The following ATP10B variants were observed in gnomAD, a reference collection of about 807,000 sequenced individuals.
ATP10B encodes phospholipid-transporting ATPase VB.
A neutral mutation model predicts 141.2 loss-of-function variants in ATP10B; 122 were observed. The ratio of observed to expected loss-of-function variants is 0.86; its 90% confidence interval spans 0.75 to 1.00. ATP10B has a LOEUF of 1.00. ATP10B is among the 50% of genes least tolerant of loss of function. The pLI is 0.00. For missense variants in ATP10B, 1,876 were observed against 1,825.3 expected, an observed-to-expected ratio of 1.03 and a Z score of -0.51; for synonymous variants, 685 against 692.0, an observed-to-expected ratio of 0.99 and a Z score of 0.16.
chr5:160,688,642 G>T (rs965847939), intron 4 of ATP10B, 118 bp downstream of exon 4: 12 of 474,528 alleles, frequency 2.5e-5, no homozygotes, highest in Non-Finnish European at 3.3e-5. Context: ...GGAACAAATT[G>T]GATAGTACAG....
chr5:160,775,062 GT>G (rs940278623), intron 2 of ATP10B, among the ~76,000 whole-genome samples: 1 of 152,202 alleles, frequency 6.6e-6, no homozygotes, highest in African/African-American at 2.4e-5. Context: ...CAGAACTGAA[GT>G]TTGTTTGACT....
intron 2 of ATP10B, among the ~76,000 whole-genome samples, chr5:160,727,302 G>A (rs988357752): frequency 3.5e-4 from 54 of 152,218 alleles, no homozygotes; most frequent in Non-Finnish European, 3.7e-4. Flanking sequence ...AGAAAACTGA[G>A]GCTTACAGGC....
In ATP10B at chr5:160,565,875, T is replaced by C; in HGVS notation, c.3964A>G (p.Thr1322Ala). ...PRYFFLSLQGTCGKSLISKAQ... is the reference protein window; with the variant it reads ...PRYFFLSLQGACGKSLISKAQ... ...TTTGAGATTAGAGACTTCCCACAAG[T>C]TCCTTGCAGAGACAGGAAAAAGTAT... The change falls in exon 26 of 26, where the codon ACT (threonine) becomes GCT (alanine). Residue 1322 changes from threonine (T) to alanine (A), a missense_variant. Physicochemically the swap from Thr to Ala is moderately conservative, Grantham distance 58 (BLOSUM62 0). Transcript: ENST00000327245. 5 of 1,611,774 alleles carry C rather than the reference T, an allele frequency of 3.1e-6. No homozygotes were observed. The highest frequency in any genetic ancestry group is 4.2e-6 in the Non-Finnish European group (5 of 1,179,382).
chr5:160,632,110 G>A lies in ATP10B; in HGVS notation c.1620+19C>T, dbSNP rs1266364579. ...TCCCACAGAACACTTACAGTTCAAA[G>A]GCAAAAGTCAGGACTTACTATGGAG... On this transcript the variant is annotated intron_variant, in intron 13 of 25. Coordinates refer to ENST00000327245, the MANE Select transcript of ATP10B (RefSeq NM_025153.3). 2.5e-6 allele frequency: 4 copies of A among 1,597,142 alleles called. No homozygotes were observed. Among genetic ancestry groups the A allele is most frequent in the Non-Finnish European group, 3.4e-6 (4 of 1,168,590 alleles).
chr5:160,835,195 C>CA (rs1016564229), intron 1 of ATP10B, among the ~76,000 whole-genome samples: 1 of 151,680 alleles, frequency 6.6e-6, no homozygotes, highest in Admixed American at 6.6e-5. Context: ...TAAGATGTGA[C>CA]AAAAAAATAA....
intron 2 of ATP10B, among the ~76,000 whole-genome samples, chr5:160,718,634 C>T (rs2127779408): frequency 6.6e-6 from 1 of 151,578 alleles, no homozygotes; most frequent in East Asian, 1.9e-4. Flanking sequence ...GAGACAAAAC[C>T]CCAGGGGTGT....
intron 1 of ATP10B, among the ~76,000 whole-genome samples, chr5:160,789,420 C>A (rs1187616262): frequency 2.6e-5 from 4 of 152,194 alleles, no homozygotes; most frequent in Non-Finnish European, 4.4e-5. Flanking sequence ...GACTACAAAC[C>A]TGTACAGCAT....
the ATP10B span, among the ~76,000 whole-genome samples, chr5:160,906,873 T>C: frequency 2.0e-5 from 3 of 152,186 alleles, no homozygotes; most frequent in African/African-American, 7.2e-5. Context: ...AAGGCATCGT[T>C]GAGTCAATGT....
chr5:160,738,688 AAAC>A (rs879453278), intron 2 of ATP10B, among the ~76,000 whole-genome samples: 8 of 152,160 alleles, frequency 5.3e-5, no homozygotes, highest in Admixed American at 5.2e-4. Flanking sequence ...ACTGAAGAAG[AAAC>A]AACAACAAAA....
Position 160,622,589 on chromosome 5 carries a change from G to A in ATP10B, c.1621-4C>T, listed in dbSNP as rs1758409508. ...TATCTGGAGTTACATCTTTTTCCTG[G>A]AAGAGAAAGGCCAGAATGAGAGTCT... is the stretch of plus-strand genomic sequence containing the variant. On this transcript the variant is annotated splice_polypyrimidine_tract_variant and splice_region_variant and intron_variant, in intron 13 of 25. Coordinates refer to ENST00000327245, the MANE Select transcript of ATP10B (RefSeq NM_025153.3). 6.8e-6 allele frequency: 11 copies of A among 1,607,892 alleles called. No homozygotes were observed. The highest frequency in any genetic ancestry group is 1.3e-5 in the African/African-American group (1 of 74,622).
intron 1 of ATP10B, among the ~76,000 whole-genome samples, chr5:160,815,159 C>T (rs1773510721): frequency 6.6e-6 from 1 of 152,086 alleles, no homozygotes; most frequent in Non-Finnish European, 1.5e-5. Context: ...TGTAAATGGG[C>T]TAAAATGCTC....
At chr5:160,630,762 G>T (rs1288512566) in intron 13 of ATP10B, among the ~76,000 whole-genome samples, 1 of 152,148 alleles carries the variant, frequency 6.6e-6, no homozygotes, top group Non-Finnish European at 1.5e-5. Context: ...ATTTATGAAG[G>T]TCATATGTCT....
In ATP10B at chr5:160,634,558, C is replaced by A. The variant is rs149397148; in HGVS notation, c.1177G>T (p.Gly393Trp). ...LYVSIELVKL[G>W]QVFFLSNDLD... ...TCATTGCTCAAGAAGAACACTTGCC[C>A]GAGCTTCACCAGCTCAATGGAGACA... Residue 393 changes from glycine to tryptophan, a missense_variant, in exon 12 of 26, where the codon GGG (glycine) becomes TGG (tryptophan). Transcript: ENST00000327245. 27,585 of 1,613,852 alleles carry A rather than the reference C, an allele frequency of 0.017. 314 individuals are homozygous for A. The highest frequency in any genetic ancestry group is 0.02 in the Non-Finnish European group (24,092 of 1,179,872).
At chr5:160,601,616 T>A (rs1757102170) in intron 21 of ATP10B, among the ~76,000 whole-genome samples, 1 of 152,230 alleles carries the variant, frequency 6.6e-6, no homozygotes, top group Admixed American at 6.5e-5. Flanking sequence ...AGTTTTAGAA[T>A]ACACAACTTA....
At chr5:160,797,872 C>T (rs572021736) in intron 1 of ATP10B, among the ~76,000 whole-genome samples, 1 of 150,796 alleles carries the variant, frequency 6.6e-6, no homozygotes, top group Admixed American at 6.6e-5. Flanking sequence ...AGGAGAATCG[C>T]TTGAGCCCAG....
At chr5:160,615,731 A>C in intron 17 of ATP10B, 107 bp downstream of exon 17, 1 of 1,399,746 alleles carries the variant, frequency 7.1e-7, no homozygotes, top group South Asian at 1.4e-5. Context: ...ACCCCAGGGA[A>C]GGCTGCTAAT....
intron 6 of ATP10B, among the ~76,000 whole-genome samples, chr5:160,677,291 G>A (rs140839527): frequency 4.3e-4 from 66 of 152,290 alleles, no homozygotes; most frequent in African/African-American, 1.5e-3. Context: ...GTGAGCACAG[G>A]GTGAGGCAGT....
At chr5:160,605,989 C>T (rs1757365652) in intron 19 of ATP10B, among the ~76,000 whole-genome samples, 1 of 152,162 alleles carries the variant, frequency 6.6e-6, no homozygotes, top group African/African-American at 2.4e-5. Context: ...GAGGAAATAA[C>T]TTGTGCAAAG....
intron 18 of ATP10B, 114 bp downstream of exon 18, chr5:160,612,627 G>T: frequency 1.2e-6 from 1 of 820,912 alleles, no homozygotes; most frequent in Non-Finnish European, 1.9e-6. Flanking sequence ...ATCTGTTGGG[G>T]GTTGGGTGCT....
Sources: gnomAD v4.1 joint callset for allele counts (sites outside exome capture counted in the v4.1 genomes callset) on GRCh38, gnomAD v4.1.1 for gene constraint, MANE v1.5 for transcripts, NCBI Gene and HGNC (gene_info 2026-07-23, HGNC 2026-07-21) for gene names.